The following TMEM135 variants were observed in gnomAD, a reference collection of about 807,000 sequenced individuals.
TMEM135 encodes peroxisomal membrane protein 52.
TMEM135 carries 30 observed loss-of-function variants against 60.3 expected under a neutral mutation model. The ratio of observed to expected loss-of-function variants is 0.50; its 90% CI spans 0.37 to 0.68. The LOEUF (loss-of-function observed/expected upper bound fraction) is 0.68, where lower values mean the gene tolerates loss of function less well. Ranked by LOEUF, TMEM135 falls within the 30% of genes least tolerant of loss-of-function variation. The probability of loss-of-function intolerance (pLI) is 0.00; values close to 1 mark genes in which losing one functional copy is unlikely to be tolerated. For synonymous variants in TMEM135, 190 were observed against 186.7 expected, an observed-to-expected ratio of 1.02 and a Z score of -0.14; for missense variants, 468 against 548.8, an observed-to-expected ratio of 0.85 and a Z score of 1.47.
chr11:87,249,137 A>G (rs1591138373), intron 6 of TMEM135, among the ~76,000 whole-genome samples: 1 of 152,182 alleles, frequency 6.6e-6, no homozygotes, highest in East Asian at 1.9e-4. Context: ...GTTGAATAAC[A>G]GTCATGAAAG....
chr11:87,168,510 G>A (rs1320386970), intron 5 of TMEM135, among the ~76,000 whole-genome samples: 1 of 152,046 alleles, frequency 6.6e-6, no homozygotes, highest in East Asian at 1.9e-4. Flanking sequence ...TTGTGTCTTT[G>A]TTCTCATTGG....
chr11:87,230,076 C>T (rs1295086414), intron 5 of TMEM135, among the ~76,000 whole-genome samples: 2 of 151,970 alleles, frequency 1.3e-5, no homozygotes, highest in Non-Finnish European at 2.9e-5. Context: ...AATTCTTGTA[C>T]CTATTAGCAG....
intron 5 of TMEM135, among the ~76,000 whole-genome samples, chr11:87,181,530 A>T (rs1171909437): frequency 6.6e-6 from 1 of 152,154 alleles, no homozygotes; most frequent in African/African-American, 2.4e-5. Context: ...CATTCTGCAA[A>T]AGCAAAAACT....
intron 14 of TMEM135, among the ~76,000 whole-genome samples, chr11:87,320,928 G>A (rs1274872249): frequency 6.6e-6 from 1 of 152,032 alleles, no homozygotes; most frequent in African/African-American, 2.4e-5. Context: ...TTCTAGAAGG[G>A]TTTAAAATAA....
intron 1 of TMEM135, among the ~76,000 whole-genome samples, chr11:87,056,895 T>C (rs1336084598): frequency 2.0e-5 from 3 of 152,234 alleles, no homozygotes; most frequent in Admixed American, 1.3e-4. Context: ...ATTAGAAATA[T>C]ATTAGTTTTT....
chr11:87,171,928 G>A (rs893868926), intron 5 of TMEM135, among the ~76,000 whole-genome samples: 1 of 152,102 alleles, frequency 6.6e-6, no homozygotes, highest in Non-Finnish European at 1.5e-5. Context: ...CAGCTGATCT[G>A]ACAGGAGGCC....
chr11:87,314,661 A>G (rs2135452205), intron 12 of TMEM135, 114 bp downstream of exon 12: 1 of 820,340 alleles, frequency 1.2e-6, no homozygotes, highest in Non-Finnish European at 2.0e-6. Context: ...AATCCTCTAA[A>G]AGTATTTGCA....
chr11:87,083,531 ATAGTACT>A (rs1857032388), intron 3 of TMEM135, among the ~76,000 whole-genome samples: 1 of 152,216 alleles, frequency 6.6e-6, no homozygotes, highest in African/African-American at 2.4e-5. Context: ...AAATTGCACT[ATAGTACT>A]TATGAAACTC....
At chr11:87,237,991 G>T (rs1202984914) in intron 6 of TMEM135, among the ~76,000 whole-genome samples, 2 of 151,780 alleles carry the variant, frequency 1.3e-5, no homozygotes, top group African/African-American at 4.8e-5. Flanking sequence ...CAAATGACAG[G>T]ATCTCATTCT....
chr11:87,151,606 C>T (rs637418), intron 4 of TMEM135, among the ~76,000 whole-genome samples: 36,235 of 151,560 alleles, frequency 0.24, 5,088 homozygotes, highest in East Asian at 0.61. Context: ...GGTCTTTTAC[C>T]TATTTCAATG....
chr11:87,127,127 G>T (rs1259964231), intron 4 of TMEM135, among the ~76,000 whole-genome samples: 1 of 152,050 alleles, frequency 6.6e-6, no homozygotes, highest in Admixed American at 6.6e-5. Context: ...AAGTAATCTG[G>T]TTCCTTTTGA....
rs1374204463 is a variant in TMEM135, at chr11:87,242,598, G to A, written c.509+5914G>A. Among the ~76,000 whole-genome samples, 47 of 118,340 alleles carry A rather than the reference G, an allele frequency of 4.0e-4. 1 individual carries two copies. The highest frequency in any genetic ancestry group is 3.8e-3 in the Admixed American group (46 of 12,146). 77.6% of individuals were successfully genotyped at this position (118,340 alleles called of 152,430 possible). On this transcript the variant is annotated intron_variant, in intron 6 of 14. Coordinates refer to ENST00000305494, the MANE Select transcript of TMEM135 (RefSeq NM_022918.4). ...GGTTTTGATTTGCATTTCTCTGATG[G>A]CCAGTGATGATGAGCATTTTTTCAT...
chr11:87,054,810 C>T (rs890768575), intron 1 of TMEM135, among the ~76,000 whole-genome samples: 1 of 151,636 alleles, frequency 6.6e-6, no homozygotes, highest in Non-Finnish European at 1.5e-5. Context: ...TTTTTTCAGA[C>T]CCGTATGTCA....
At chr11:87,106,329 C>G (rs1317466232) in intron 4 of TMEM135, among the ~76,000 whole-genome samples, 1 of 152,104 alleles carries the variant, frequency 6.6e-6, no homozygotes, top group Non-Finnish European at 1.5e-5. Flanking sequence ...GTCTCGAACT[C>G]CTGACCTCAG....
At chr11:87,084,129 C>A (rs1018484697) in intron 3 of TMEM135, among the ~76,000 whole-genome samples, 1 of 151,924 alleles carries the variant, frequency 6.6e-6, no homozygotes, top group African/African-American at 2.4e-5. Flanking sequence ...GGAAAAAAAA[C>A]CCATTATTGA....
intron 4 of TMEM135, among the ~76,000 whole-genome samples, chr11:87,101,954 CAA>C (rs1410095736): frequency 1.3e-5 from 2 of 152,000 alleles, no homozygotes; most frequent in Non-Finnish European, 2.9e-5. Context: ...GCCTGGGCAA[CAA>C]GAGCAAAACT....
intron 6 of TMEM135, among the ~76,000 whole-genome samples, chr11:87,285,597 G>A (rs891930132): frequency 6.6e-6 from 1 of 152,184 alleles, no homozygotes; most frequent in African/African-American, 2.4e-5. Flanking sequence ...TGGTCTCGCT[G>A]GCCTCAGGAG....
chr11:87,250,860 G>C (rs1941401851), intron 6 of TMEM135, among the ~76,000 whole-genome samples: 1 of 152,178 alleles, frequency 6.6e-6, no homozygotes, highest in African/African-American at 2.4e-5. Flanking sequence ...GCAATGCAGA[G>C]AGTGAATTTG....
rs1489314487 is a variant in TMEM135 at position 87,121,421 on chromosome 11, TACAGGTGTATGTA to T, written c.396+30030_396+30042del. 7.2e-4 allele frequency: 109 copies of T among 152,240 alleles called. 1 individual carries two copies. Among genetic ancestry groups the T allele is most frequent in the African/African-American group, 2.5e-3 (103 of 41,534 alleles). The allele number at this position is 152,240 out of a possible 1,614,324, so 9.4% of individuals were successfully genotyped here. On this transcript the variant is annotated intron_variant, in intron 4 of 14. Transcript: ENST00000305494. ...TTGCAAAAGAGTAAGCATGGGGTGT[TACAGGTGTATGTA>T]ACAATGTTAAATATAGGAGAAGCTT...
Sources: gnomAD v4.1 joint callset for allele counts (sites outside exome capture counted in the v4.1 genomes callset) on GRCh38, gnomAD v4.1.1 for gene constraint, MANE v1.5 for transcripts, NCBI Gene and HGNC (gene_info 2026-07-23, HGNC 2026-07-21) for gene names.